Variants in ATP8B1 observed in about 807,000 individuals in gnomAD.
ATP8B1 encodes the protein ATPase phospholipid transporting 8B1.
In ATP8B1, 80 loss-of-function variants were observed where a neutral mutation model predicts 149.9. The ratio of observed to expected loss-of-function variants is 0.53; its 90% CI spans 0.45 to 0.64. The LOEUF is 0.64. Among genes scored for constraint, ATP8B1 ranks in the 30% least tolerant of loss-of-function variants. The pLI, the probability that ATP8B1 is intolerant of heterozygous loss-of-function variation, is 0.00. For missense variants in ATP8B1, 1,247 were observed against 1,552.6 expected (o/e 0.80, Z 3.31); for synonymous variants, 536 against 562.8 (o/e 0.95, Z 0.67).
chr18:57,743,218 C>A (rs1371348369), intron 1 of ATP8B1, among the ~76,000 whole-genome samples: 1 of 152,052 alleles, frequency 6.6e-6, no homozygotes, highest in African/African-American at 2.4e-5. Context: ...CAGGCCCTTT[C>A]CACACATATC....
At chr18:57,714,842 A>G (rs1913927066) in intron 2 of ATP8B1, among the ~76,000 whole-genome samples, 1 of 152,192 alleles carries the variant, frequency 6.6e-6, no homozygotes, top group African/African-American at 2.4e-5. Flanking sequence ...ACAAGCCCAG[A>G]CTGTGAGAGC....
At chr18:57,730,802 C>CATAT (rs927338067) in intron 2 of ATP8B1, among the ~76,000 whole-genome samples, 970 of 10,752 alleles carry the variant, frequency 0.09, 16 homozygotes, top group African/African-American at 0.19. Context: ...AGACCATATA[C>CATAT]ATATATATAT....
chr18:57,753,012 C>T (rs2080037256), intron 1 of ATP8B1, among the ~76,000 whole-genome samples: 2 of 152,082 alleles, frequency 1.3e-5, no homozygotes, highest in Non-Finnish European at 2.9e-5. Context: ...CTGTCTCCGG[C>T]CCCCAGGGTA....
rs1417962449 is a variant in ATP8B1 at position 57,721,349 on chromosome 18, C to A, written c.181+10278G>T. On this transcript the variant is annotated intron_variant, in intron 2 of 27. Transcript: ENST00000648908. Reference sequence around the variant, plus strand: ...CCATCAGTGTGCTGTATTCAGGAAACCCATCTCACGTGCAGAGACACACAC... The same window carrying A: ...CCATCAGTGTGCTGTATTCAGGAAAACCATCTCACGTGCAGAGACACACAC... Among the ~76,000 whole-genome samples the A allele has an allele frequency of 4.3e-3, 635 of 148,442 alleles. 6 individuals are homozygous for A. Among genetic ancestry groups the A allele is most frequent in the African/African-American group, 0.015 (603 of 40,242 alleles).
chr18:57,787,177 G>A (rs147176396), intron 1 of ATP8B1, among the ~76,000 whole-genome samples: 8 of 152,260 alleles, frequency 5.3e-5, no homozygotes, highest in African/African-American at 1.9e-4. Flanking sequence ...AGATATCGTG[G>A]CAAACAAAAT....
At position 57,780,090 on chromosome 18, in the gene ATP8B1, A is replaced by G. The variant is rs78735652; in HGVS notation, c.-26+22908T>C. On this transcript the variant is annotated intron_variant, in intron 1 of 27. Transcript: ENST00000648908. Reference sequence around the variant, plus strand: ...TTCTAATTCTCATAACAGATTTATTATGAATCTCAAATTTCACAAATTTGT... The same window carrying G: ...TTCTAATTCTCATAACAGATTTATTGTGAATCTCAAATTTCACAAATTTGT... Among the ~76,000 whole-genome samples, 1,255 of 152,326 alleles carry G rather than the reference A, an allele frequency of 8.2e-3. 11 individuals are homozygous for G. Among genetic ancestry groups the G allele is most frequent in the African/African-American group, 0.027 (1,136 of 41,560 alleles).
intron 2 of ATP8B1, among the ~76,000 whole-genome samples, chr18:57,727,976 G>A (rs566462135): frequency 6.2e-4 from 94 of 152,184 alleles, no homozygotes; most frequent in African/African-American, 2.1e-3. Flanking sequence ...TACTCCACTC[G>A]AACCTGTGGG....
chr18:57,756,287 ATGTG>A (rs111240005), intron 1 of ATP8B1, among the ~76,000 whole-genome samples: 8 of 78,912 alleles, frequency 1.0e-4, no homozygotes, highest in African/African-American at 1.8e-4. Context: ...CAACATATAT[ATGTG>A]TGTGTGTATG....
At chr18:57,771,176 G>A (rs904125837) in intron 1 of ATP8B1, among the ~76,000 whole-genome samples, 2 of 152,156 alleles carry the variant, frequency 1.3e-5, no homozygotes, top group African/African-American at 2.4e-5. Flanking sequence ...TTGAATTTTT[G>A]TCAGAAAGAG....
At chr18:57,771,989 CAT>C (rs1474197361) in intron 1 of ATP8B1, among the ~76,000 whole-genome samples, 3 of 152,302 alleles carry the variant, frequency 2.0e-5, no homozygotes, top group African/African-American at 7.2e-5. Flanking sequence ...TCCTAAAAAA[CAT>C]GTTATGTTGG....
chr18:57,656,387 CT>C (rs11289944), intron 22 of ATP8B1, among the ~76,000 whole-genome samples: 47,363 of 136,868 alleles, frequency 0.35, 7,687 homozygotes, highest in East Asian at 0.49. Context: ...CTTTCTCTCT[CT>C]TTTTTTTTTT....
chr18:57,789,945 A>G (rs559294753), intron 1 of ATP8B1, among the ~76,000 whole-genome samples: 5 of 152,196 alleles, frequency 3.3e-5, no homozygotes, highest in South Asian at 2.1e-4. Flanking sequence ...TGTGTCTCCA[A>G]CCTAGACTTC....
intron 11 of ATP8B1, among the ~76,000 whole-genome samples, 161 bp downstream of exon 11, chr18:57,694,421 G>GAA (rs941792442): frequency 6.7e-6 from 1 of 150,162 alleles, no homozygotes; most frequent in African/African-American, 2.4e-5. Flanking sequence ...GGCATTTCTG[G>GAA]AAAAAAAAAT....
chr18:57,649,617 A>G (rs1313959385), intron 27 of ATP8B1, among the ~76,000 whole-genome samples: 1 of 152,068 alleles, frequency 6.6e-6, no homozygotes, highest in Admixed American at 6.6e-5. Flanking sequence ...CCTCACAGCC[A>G]CATTTCTCAT....
chr18:57,672,898 A>G (rs1280976198), intron 16 of ATP8B1, among the ~76,000 whole-genome samples: 5 of 39,706 alleles, frequency 1.3e-4, no homozygotes, highest in African/African-American at 4.9e-4. Flanking sequence ...ATATATATAT[A>G]TATATATATA....
intron 1 of ATP8B1, among the ~76,000 whole-genome samples, chr18:57,790,634 C>T (rs958690115): frequency 1.3e-5 from 2 of 152,116 alleles, no homozygotes; most frequent in African/African-American, 2.4e-5. Flanking sequence ...TTAAGTATAA[C>T]CTCCTTCAAG....
intron 16 of ATP8B1, among the ~76,000 whole-genome samples, chr18:57,674,241 CAAAAAA>C (rs745500180): frequency 1.2e-5 from 1 of 82,598 alleles, no homozygotes; most frequent in African/African-American, 4.4e-5. Context: ...GACTCCATCT[CAAAAAA>C]AAAAAAAAAA....
At chr18:57,679,693 C>T (rs1911827652) in intron 15 of ATP8B1, among the ~76,000 whole-genome samples, 1 of 152,142 alleles carries the variant, frequency 6.6e-6, no homozygotes. Context: ...GAGATGGAGT[C>T]TCACTTTGTC....
intron 17 of ATP8B1, among the ~76,000 whole-genome samples, chr18:57,670,693 C>T (rs1393412177): frequency 6.6e-6 from 1 of 151,672 alleles, no homozygotes; most frequent in African/African-American, 2.4e-5. Context: ...CAGTAAACAT[C>T]TCATTACTTT....
Sources: gnomAD v4.1 joint callset for allele counts (sites outside exome capture counted in the v4.1 genomes callset) on GRCh38, gnomAD v4.1.1 for gene constraint, MANE v1.5 for transcripts, NCBI Gene and HGNC (gene_info 2026-07-23, HGNC 2026-07-21) for gene names.